The following CFAP299 variants were observed in gnomAD, a reference collection of about 807,000 sequenced individuals.
The protein encoded by CFAP299 is cilia- and flagella-associated protein 299.
Under a neutral mutation model 27.0 loss-of-function variants are expected in CFAP299, and 21 were observed. That is an observed-to-expected ratio of 0.78 (90% CI 0.55 to 1.12). CFAP299 has a LOEUF of 1.12. CFAP299 is among the 50% of genes most tolerant of loss of function. CFAP299 has a pLI of 0.00. For missense variants in CFAP299, 310 were observed against 276.6 expected, an observed-to-expected ratio of 1.12 and a Z score of -0.86; for synonymous variants, 104 against 98.1, an observed-to-expected ratio of 1.06 and a Z score of -0.36.
chr4:80,512,241 T>TGTGC (rs1158782235), intron 2 of CFAP299, among the ~76,000 whole-genome samples: 3 of 151,812 alleles, frequency 2.0e-5, no homozygotes, highest in South Asian at 4.1e-4. Flanking sequence ...TGTGTGTGTG[T>TGTGC]GTGCATGTGT....
intron 2 of CFAP299, among the ~76,000 whole-genome samples, chr4:80,567,291 G>A (rs948259397): frequency 1.3e-5 from 2 of 152,024 alleles, no homozygotes; most frequent in East Asian, 3.9e-4. Context: ...TTATTTTCCT[G>A]CTCAGTGGAA....
chr4:80,344,426 C>T (rs953940510), intron 1 of CFAP299, among the ~76,000 whole-genome samples: 3 of 152,020 alleles, frequency 2.0e-5, no homozygotes, highest in Admixed American at 2.0e-4. Flanking sequence ...TGGACAAATA[C>T]ACCCTCCCAA....
Position 80,583,952 on chromosome 4 carries a change from C to T in CFAP299, c.333+769C>T, listed in dbSNP as rs921124800. Among the ~76,000 whole-genome samples, 18 of 151,750 alleles carry T rather than the reference C, an allele frequency of 1.2e-4. 1 individual carries two copies. The highest frequency in any genetic ancestry group is 8.8e-5 in the Non-Finnish European group (6 of 67,826). ...GAGATCTATTCTACCAATATTTTCT[C>T]AATAAAAAATTTGGAGTTTTTCCCA... On this transcript the variant is annotated intron_variant, in intron 3 of 5. Transcript: ENST00000358105.
rs1491518620 is a variant in CFAP299, at chr4:80,799,200, ATT to A, written c.334-70791_334-70790del. 1.7e-3 allele frequency among the ~76,000 whole-genome samples: 195 copies of A among 111,904 alleles called. 1 individual carries two copies. The highest frequency in any genetic ancestry group is 5.8e-3 in the African/African-American group (152 of 26,380). The allele number at this position is 111,904 out of a possible 152,430, so 73.4% of individuals were successfully genotyped here. A position where few individuals can be genotyped will look rare whatever the true frequency, so the allele number is the denominator to read the frequency against. ...TATTGTATAAATATATTTATATAAT[ATT>A]TATATATATATTGTATAAATATATT... is the stretch of plus-strand genomic sequence containing the variant. On this transcript the variant is annotated intron_variant, in intron 3 of 5. Coordinates refer to ENST00000358105, the MANE Select transcript of CFAP299 (RefSeq NM_152770.3).
intron 4 of CFAP299, among the ~76,000 whole-genome samples, chr4:80,923,374 G>C (rs1314449005): frequency 2.0e-5 from 3 of 151,992 alleles, no homozygotes; most frequent in African/African-American, 7.2e-5. Flanking sequence ...TCGTCTCTTA[G>C]TGTATATATA....
chr4:80,953,355 G>A (rs192985462), intron 5 of CFAP299, among the ~76,000 whole-genome samples: 1 of 152,170 alleles, frequency 6.6e-6, no homozygotes, highest in East Asian at 1.9e-4. Context: ...CCAAATTACT[G>A]AATGTTTGGT....
At chr4:80,658,734 C>G (rs186016714) in intron 3 of CFAP299, among the ~76,000 whole-genome samples, 195 of 152,180 alleles carry the variant, frequency 1.3e-3, no homozygotes, top group African/African-American at 4.2e-3. Flanking sequence ...CTTATCATAA[C>G]CATATCAATA....
In CFAP299 at chr4:80,891,791, A is replaced by AAT. The variant is rs1223404924; in HGVS notation, c.476+21657_476+21658insTA. On this transcript the variant is annotated intron_variant, in intron 4 of 5. Coordinates refer to ENST00000358105, the MANE Select transcript of CFAP299 (RefSeq NM_152770.3). ...AAAAAAAAAAATTAAAAAAAAAATA[A>AAT]AAAAAAAAATAAAAGCTTTGAGAAG... Among the ~76,000 whole-genome samples, 697 of 100,520 alleles carry AAT rather than the reference A, an allele frequency of 6.9e-3. 1 individual carries two copies. Among genetic ancestry groups the AAT allele is most frequent in the African/African-American group, 0.012 (300 of 25,446 alleles). The allele number at this position is 100,520 out of a possible 152,430, so 65.9% of individuals were successfully genotyped here.
At chr4:80,844,795 T>C (rs1410059575) in intron 3 of CFAP299, among the ~76,000 whole-genome samples, 1 of 152,228 alleles carries the variant, frequency 6.6e-6, no homozygotes. Flanking sequence ...TTTGTTGCCA[T>C]TGCTTTTGGT....
intron 2 of CFAP299, among the ~76,000 whole-genome samples, chr4:80,564,561 CAGTT>C (rs1392422509): frequency 6.6e-6 from 1 of 151,764 alleles, no homozygotes; most frequent in Non-Finnish European, 1.5e-5. Flanking sequence ...TGAAGATTCA[CAGTT>C]AGGATCATAC....
intron 2 of CFAP299, among the ~76,000 whole-genome samples, chr4:80,470,482 A>G (rs1729941395): frequency 6.6e-6 from 1 of 152,062 alleles, no homozygotes; most frequent in South Asian, 2.1e-4. Context: ...CCTTACCTGG[A>G]AATTTGTTAC....
chr4:80,475,302 A>C (rs1730219310), intron 2 of CFAP299, among the ~76,000 whole-genome samples: 1 of 152,228 alleles, frequency 6.6e-6, no homozygotes, highest in Non-Finnish European at 1.5e-5. Flanking sequence ...GGGGAGAAAT[A>C]GAAGCAGGCA....
At position 80,399,541 on chromosome 4, in the gene CFAP299, G is replaced by A. The variant is rs180975770; in HGVS notation, c.242+36657G>A. On this transcript the variant is annotated intron_variant, in intron 2 of 5. Coordinates refer to ENST00000358105, the MANE Select transcript of CFAP299 (RefSeq NM_152770.3). ...AAATGATGAGTTCATGTCCTTTGTA[G>A]GGACATGGATGAAGCTGGAAACCAT... is the stretch of plus-strand genomic sequence containing the variant. 3.3e-3 allele frequency among the ~76,000 whole-genome samples: 496 copies of A among 152,166 alleles called. 12 individuals carry two copies. Among genetic ancestry groups the A allele is most frequent in the Non-Finnish European group, 4.0e-4 (27 of 68,010 alleles).
chr4:80,911,165 T>C (rs1735451616), intron 4 of CFAP299, among the ~76,000 whole-genome samples: 1 of 151,528 alleles, frequency 6.6e-6, no homozygotes, highest in African/African-American at 2.4e-5. Context: ...TATGTTCCTA[T>C]GTCCCTGGGC....
chr4:80,488,734 C>T (rs1262237516), intron 2 of CFAP299, among the ~76,000 whole-genome samples: 1 of 152,138 alleles, frequency 6.6e-6, no homozygotes, highest in Non-Finnish European at 1.5e-5. Flanking sequence ...CCTTGGCCTC[C>T]CAAAGTGCTG....
chr4:80,674,728 T>C (rs186566071), intron 3 of CFAP299, among the ~76,000 whole-genome samples: 52 of 152,292 alleles, frequency 3.4e-4, no homozygotes, highest in Non-Finnish European at 4.4e-4. Context: ...TTCTTTTTAC[T>C]CTTTTTTTCT....
At chr4:80,359,370 A>G (rs967481192) in intron 1 of CFAP299, among the ~76,000 whole-genome samples, 4 of 151,922 alleles carry the variant, frequency 2.6e-5, no homozygotes, top group African/African-American at 9.7e-5. Context: ...TGTCCCCTCT[A>G]TCTAGATTGG....
intron 2 of CFAP299, among the ~76,000 whole-genome samples, chr4:80,569,828 A>G (rs1366059657): frequency 6.6e-6 from 1 of 152,042 alleles, no homozygotes; most frequent in Non-Finnish European, 1.5e-5. Context: ...ATAAGTAGTG[A>G]GACACTATTT....
In CFAP299 at chr4:80,847,289, G is replaced by A. The variant is rs149974088; in HGVS notation, c.334-22704G>A. Among the ~76,000 whole-genome samples, 290 of 152,262 alleles carry A rather than the reference G, an allele frequency of 1.9e-3. 1 individual carries two copies. Among genetic ancestry groups the A allele is most frequent in the South Asian group, 3.9e-3 (19 of 4,814 alleles). ...GGGATATGGCCAGTATAAAACTCTA[G>A]CAAGAAGGTACTTATTCCCTTGGCC... On this transcript the variant is annotated intron_variant, in intron 3 of 5. Coordinates refer to ENST00000358105, the MANE Select transcript of CFAP299 (RefSeq NM_152770.3).
Sources: allele counts gnomAD v4.1 joint callset (sites outside exome capture counted in the v4.1 genomes callset), GRCh38; gene constraint gnomAD v4.1.1; transcripts MANE v1.5; gene names NCBI Gene and HGNC (gene_info 2026-07-23, HGNC 2026-07-21).